DDX1: variants seen among roughly 807,000 people sequenced by gnomAD.
DDX1 encodes DEAD-box helicase 1.
A neutral mutation model predicts 108.7 loss-of-function variants in DDX1; 28 were observed. The ratio of observed to expected loss-of-function variants is 0.26; its 90% CI spans 0.19 to 0.35. DDX1 has a LOEUF of 0.35. Ranked by LOEUF, DDX1 falls within the 10% of genes least tolerant of loss-of-function variation. DDX1 has a pLI of 1.00. For missense variants in DDX1, 710 were observed against 884.5 expected (o/e 0.80, Z 2.50); for synonymous variants, 295 against 288.9 (o/e 1.02, Z -0.21).
rs1396562052 is a variant in DDX1, at chr2:15,630,126, T to G, written c.2092+16T>G. On this transcript the variant is annotated intron_variant, in intron 25 of 25. Coordinates refer to ENST00000233084, the MANE Select transcript of DDX1 (RefSeq NM_004939.3). ...GCTGCTGGTGGTAAGCTTTGAATTA[T>G]TTTAAATACAATTTTAAATGTAAAT... The G allele has an allele frequency of 6.2e-7, 1 of 1,610,754 alleles. No homozygotes were observed. The highest frequency in any genetic ancestry group is 8.5e-7 in the Non-Finnish European group (1 of 1,178,986).
chr2:15,618,373 G>A (rs1018102336), intron 16 of DDX1, 103 bp downstream of exon 16: 4 of 658,508 alleles, frequency 6.1e-6, no homozygotes, highest in East Asian at 2.6e-5. Context: ...AAACCTCTGC[G>A]GCTAGTGATG....
Position 15,604,456 on chromosome 2 carries a change from C to A in DDX1, c.572C>A (p.Thr191Asn), listed in dbSNP as rs1188315745. 3.1e-6 allele frequency: 5 copies of A among 1,610,342 alleles called. No homozygotes were observed. Among genetic ancestry groups the A allele is most frequent in the Non-Finnish European group, 3.4e-6 (4 of 1,176,896 alleles). ...NYGEEFTMHD[T>N]IGCYLDIDKG... is the part of the protein sequence containing the mutation. ...TTCTAGGAATTCACTATGCATGATACCATTGGATGTTACCTGGATATAGAT... is the reference window on the plus strand; with the variant it reads ...TTCTAGGAATTCACTATGCATGATAACATTGGATGTTACCTGGATATAGAT... Residue 191 changes from threonine (T) to asparagine (N), a missense_variant, in exon 10 of 26, where the codon ACC (threonine) becomes AAC (asparagine). Thr to Asn is a moderately conservative substitution (Grantham distance 65, BLOSUM62 0). This residue lies in a region of DDX1 where 661 missense variants were observed against 810.2 expected (regional missense o/e 0.82). Transcript: ENST00000233084.
intron 14 of DDX1, among the ~76,000 whole-genome samples, chr2:15,613,674 G>A (rs1665840717): frequency 6.6e-6 from 1 of 152,086 alleles, no homozygotes; most frequent in South Asian, 2.1e-4. Context: ...CTCTTGGGAA[G>A]GATGAATAAT....
At chr2:15,610,811 A>G (rs1332094209) in intron 13 of DDX1, among the ~76,000 whole-genome samples, 1 of 140,824 alleles carries the variant, frequency 7.1e-6, no homozygotes, top group Non-Finnish European at 1.5e-5. Context: ...CTTCAGCAAT[A>G]GATACAGCTA....
rs1300386582 is a variant in DDX1 at position 15,629,048 on chromosome 2, T to C, written c.1875+209T>C. The stretch of plus-strand genomic sequence containing the variant: ...AAGGAAAAATGCAAAATATAATTTT[T>C]CCAACTAGCTTTATTGTACTCATTT... On this transcript the variant is annotated intron_variant, in intron 23 of 25. Transcript: ENST00000233084. Among the ~76,000 whole-genome samples the C allele has an allele frequency of 2.0e-5, 3 of 152,220 alleles. No homozygotes were observed. In the East Asian group the frequency reaches 5.8e-4, roughly 29 times the overall value.
At position 15,612,282 on chromosome 2, in the gene DDX1, C is replaced by G. The variant is rs1191559873; in HGVS notation, c.957-942C>G. Among the ~76,000 whole-genome samples, 23 of 151,502 alleles carry G rather than the reference C, an allele frequency of 1.5e-4. No homozygotes were observed. In the South Asian group the frequency reaches 3.6e-3, roughly 23 times the overall value. ...GCCGGGCAGAGACGCTCCTCACCTC[C>G]CAGACGGGGTCGCGGCCGGGTAGAG... On this transcript the variant is annotated intron_variant, in intron 13 of 25. Coordinates refer to ENST00000233084, the MANE Select transcript of DDX1 (RefSeq NM_004939.3).
rs761137218 is a variant in DDX1, at chr2:15,628,671, A to G, written c.1793A>G (p.Asn598Ser). Residue 598 changes from asparagine to serine, a missense_variant, in exon 22 of 26, where the codon AAC becomes AGC. By Grantham distance (46) the Asn-to-Ser change is conservative (BLOSUM62 1). This residue lies in a region of DDX1 where 661 missense variants were observed against 810.2 expected (regional missense o/e 0.82). Transcript: ENST00000233084. ...GTCACTCTGCCCGATGAAAAGCAAAACTACGTACATCGAATTGGCAGAGTA... is the reference window on the plus strand; with the variant it reads ...GTCACTCTGCCCGATGAAAAGCAAAGCTACGTACATCGAATTGGCAGAGTA... ...INVTLPDEKQ[N>S]YVHRIGRVGR... 3.1e-6 allele frequency: 5 copies of G among 1,613,316 alleles called. No homozygotes were observed. Among genetic ancestry groups the G allele is most frequent in the South Asian group, 2.2e-5 (2 of 90,988 alleles).
Position 15,599,676 on chromosome 2 carries a change from C to T in DDX1, c.267C>T (p.Asn89=). The T allele has an allele frequency of 2.5e-6, 4 of 1,606,234 alleles. No homozygotes were observed. Among genetic ancestry groups the T allele is most frequent in the Non-Finnish European group, 3.4e-6 (4 of 1,175,918 alleles). ...TTIKTGASVL[N]KWQMNPYDRG... ...TTATTTTAATTTGTTTAGTGCTGAA[C>T]AAATGGCAGATGAACCCATATGACA... Residue 89 remains asparagine (N), a synonymous_variant, in exon 6 of 26, where the codon AAC becomes AAT. Coordinates refer to ENST00000233084, the MANE Select transcript of DDX1 (RefSeq NM_004939.3).
intron 14 of DDX1, 98 bp downstream of exon 14, chr2:15,613,382 A>G (rs1397604864): frequency 1.0e-5 from 8 of 773,068 alleles, no homozygotes; most frequent in Non-Finnish European, 1.7e-5. Flanking sequence ...TGAGGCTGAA[A>G]TTAGAGCAAG....
Position 15,591,924 on chromosome 2 carries a change from C to T in DDX1, c.-10C>T, listed in dbSNP as rs1244623611. 29 of 1,452,680 alleles carry T rather than the reference C, an allele frequency of 2.0e-5. No individual in the cohort carries two copies. The highest frequency in any genetic ancestry group is 2.5e-5 in the Non-Finnish European group (28 of 1,102,894). The allele number at this position is 1,452,680 out of a possible 1,614,324, so 90.0% of individuals were successfully genotyped here. Reference sequence around the variant, plus strand: ...AGCGAGCAGGCGAAGCCGCGGAGGACGGGGTGAAGATGGCGGCCTTCTCCG... The same window carrying T: ...AGCGAGCAGGCGAAGCCGCGGAGGATGGGGTGAAGATGGCGGCCTTCTCCG... On this transcript the variant is annotated 5_prime_UTR_variant, in exon 1 of 26. The change creates a new upstream start codon in the 5' untranslated region. Coordinates refer to ENST00000233084, the MANE Select transcript of DDX1 (RefSeq NM_004939.3).
At chr2:15,620,784 T>A (rs1334202015) in intron 17 of DDX1, among the ~76,000 whole-genome samples, 1 of 152,140 alleles carries the variant, frequency 6.6e-6, no homozygotes, top group Non-Finnish European at 1.5e-5. Flanking sequence ...GTGATTAGAT[T>A]TGCCTTTATA....
intron 5 of DDX1, chr2:15,599,007 A>T (rs574981672): frequency 6.6e-6 from 1 of 152,322 alleles, no homozygotes; most frequent in East Asian, 1.9e-4. Flanking sequence ...ATTGAAGTCA[A>T]CTTGTTTGGT....
chr2:15,598,404 T>C (rs1376727563), intron 5 of DDX1, among the ~76,000 whole-genome samples: 1 of 152,112 alleles, frequency 6.6e-6, no homozygotes, highest in East Asian at 1.9e-4. Context: ...AAGAAAACAC[T>C]CCTAAAGGAG....
At chr2:15,609,378 T>C (rs1423060749) in intron 13 of DDX1, among the ~76,000 whole-genome samples, 1 of 152,248 alleles carries the variant, frequency 6.6e-6, no homozygotes, top group Non-Finnish European at 1.5e-5. Flanking sequence ...GAAGTCATGA[T>C]CTTTGAATGA....
intron 6 of DDX1, among the ~76,000 whole-genome samples, chr2:15,602,207 A>G (rs549853351): frequency 6.6e-6 from 1 of 152,328 alleles, no homozygotes; most frequent in East Asian, 1.9e-4. Context: ...ACACATTTGT[A>G]TTGATGGTGC....
chr2:15,624,676 G>A (rs909016577), intron 19 of DDX1, among the ~76,000 whole-genome samples: 2 of 152,140 alleles, frequency 1.3e-5, no homozygotes, highest in Admixed American at 6.5e-5. Context: ...TTCAAGATGA[G>A]ATTTGGATGG....
At chr2:15,618,763 GC>G (rs1343641707) in intron 16 of DDX1, among the ~76,000 whole-genome samples, 1 of 152,258 alleles carries the variant, frequency 6.6e-6, no homozygotes, top group African/African-American at 2.4e-5. Flanking sequence ...CCAGCACTGG[GC>G]CGTCCTCAGC....
At position 15,595,096 on chromosome 2, in the gene DDX1, A is replaced by G. The variant is rs533573546; in HGVS notation, c.17-49A>G. The G allele has an allele frequency of 1.2e-5, 17 of 1,414,438 alleles. 1 individual carries two copies. In the South Asian group the frequency reaches 1.7e-4, roughly 14 times the overall value. 87.6% of individuals were successfully genotyped at this position (1,414,438 alleles called of 1,614,324 possible). ...GAATAGTAATTTTGAGAGCAATGCA[A>G]TTTATCATTTCAGTTTATGTGGTTT... is the stretch of plus-strand genomic sequence containing the variant. On this transcript the variant is annotated intron_variant, in intron 1 of 25. Coordinates refer to ENST00000233084, the MANE Select transcript of DDX1 (RefSeq NM_004939.3).
Position 15,613,259 on chromosome 2 carries a change from A to T in DDX1, c.992A>T (p.Asp331Val). Residue 331 changes from aspartate (D) to valine (V), a missense_variant, in exon 14 of 26, where the codon GAT (aspartate) becomes GTT (valine). By Grantham distance (152) the Asp-to-Val change is radical (BLOSUM62 -3). Transcript: ENST00000233084. ...ATAATTGGAGGTGTTGCAGCCCGGG[A>T]TCAGCTCTCTGTTTTGGAAAATGGA... ...LLIIGGVAARDQLSVLENGVD... is the reference protein window; with the variant it reads ...LLIIGGVAARVQLSVLENGVD... The T allele has an allele frequency of 6.2e-7, 1 of 1,607,402 alleles. No individual in the cohort carries two copies. The highest frequency in any genetic ancestry group is 8.5e-7 in the Non-Finnish European group (1 of 1,177,382).
Sources: allele counts gnomAD v4.1 joint callset (sites outside exome capture counted in the v4.1 genomes callset), GRCh38; gene constraint gnomAD v4.1.1; regional missense constraint gnomAD v4.1.1; transcripts MANE v1.5; gene names NCBI Gene and HGNC (gene_info 2026-07-23, HGNC 2026-07-21).